Variants in NRTN observed in about 807,000 individuals in gnomAD.
The protein encoded by NRTN is neurturin.
In NRTN, 3 loss-of-function variants were observed where a neutral mutation model predicts 7.5. The observed-to-expected ratio is 0.40, with a 90% CI of 0.18 to 1.03. NRTN has a LOEUF of 1.03. NRTN is among the 50% of genes least tolerant of loss of function. The probability of loss-of-function intolerance (pLI) is 0.34; values close to 1 mark genes in which losing one functional copy is unlikely to be tolerated. For synonymous variants in NRTN, 157 were observed against 146.6 expected, an observed-to-expected ratio of 1.07 and a Z score of -0.51; for missense variants, 310 against 307.0, an observed-to-expected ratio of 1.01 and a Z score of -0.07.
chr19:5,822,919 G>A (rs1188746677), intron 1 of NRTN, among the ~76,000 whole-genome samples: 18 of 152,014 alleles, frequency 1.2e-4, no homozygotes. Flanking sequence ...AGCTACTTGG[G>A]AGGCTGAGGT....
Position 5,824,334 on chromosome 19 carries a change from T to G in NRTN, c.169T>G (p.Tyr57Asp). 6.3e-7 allele frequency: 1 copy of G among 1,598,972 alleles called. No individual in the cohort carries two copies. The highest frequency in any genetic ancestry group is 2.2e-5 in the East Asian group (1 of 44,504). ...LDARIARLAQ[Y>D]RALLQGAPDA... ...CGCCCGGATTGCCCGCCTGGCCCAG[T>G]GTAAGCTCCTCCTCTGTGTGGGGTC... Residue 57 changes from tyrosine to aspartate, a missense_variant and splice_region_variant, in exon 2 of 3, where the codon TAC (tyrosine) becomes GAC (aspartate). Tyr to Asp is a radical substitution (Grantham distance 160). Coordinates refer to ENST00000303212, the MANE Select transcript of NRTN (RefSeq NM_004558.5).
In NRTN at chr19:5,828,306, A is replaced by G; in HGVS notation, c.*133A>G. The G allele has an allele frequency of 1.9e-6, 2 of 1,036,616 alleles. No individual in the cohort carries two copies. The highest frequency in any genetic ancestry group is 6.2e-5 in the East Asian group (2 of 32,374). The allele number at this position is 1,036,616 out of a possible 1,614,324, so 64.2% of individuals were successfully genotyped here. ...GGACTCTCGCGATAACTGTACTGAG[A>G]TAAAGTGTGGCAACTCGAGCTGGCT... On this transcript the variant is annotated 3_prime_UTR_variant, in exon 3 of 3. Transcript: ENST00000303212.
At chr19:5,821,701 T>G (rs2057025383) in intron 1 of NRTN, among the ~76,000 whole-genome samples, 1 of 152,130 alleles carries the variant, frequency 6.6e-6, no homozygotes, top group Admixed American at 6.6e-5. Flanking sequence ...GGGCTGGCCC[T>G]GGGGGAGAAT....
chr19:5,824,007 G>C lies in NRTN; in HGVS notation c.-159G>C. ...GAGGCCAACCCCTTCCTTGTTCAAT[G>C]GTTCCTTGAGGGACCATTCCCATGT... On this transcript the variant is annotated 5_prime_UTR_variant, in exon 2 of 3. It removes an upstream start codon present in the reference 5' UTR. Coordinates refer to ENST00000303212, the MANE Select transcript of NRTN (RefSeq NM_004558.5). 1 of 976,180 alleles carries C rather than the reference G, an allele frequency of 1.0e-6. No individual in the cohort carries two copies. Among genetic ancestry groups the C allele is most frequent in the Non-Finnish European group, 1.5e-6 (1 of 648,090 alleles). 60.5% of individuals were successfully genotyped at this position (976,180 alleles called of 1,614,324 possible).
intron 2 of NRTN, among the ~76,000 whole-genome samples, chr19:5,827,227 G>A (rs1429818472): frequency 6.6e-6 from 1 of 152,182 alleles, no homozygotes; most frequent in East Asian, 1.9e-4. Flanking sequence ...AGAGACCTAT[G>A]ACAACCTCAC....
intron 1 of NRTN, among the ~76,000 whole-genome samples, chr19:5,808,717 C>T (rs117032075): frequency 0.025 from 3,769 of 151,648 alleles, 99 homozygotes; most frequent in East Asian, 0.071. Flanking sequence ...ACGTGCAGCT[C>T]CCTCCGCCTG....
chr19:5,809,111 AAGCCCTCCTTGACTCCCCAGTCTAGAAGC>A (rs959905743), intron 1 of NRTN, among the ~76,000 whole-genome samples: 2 of 151,176 alleles, frequency 1.3e-5, no homozygotes, highest in Non-Finnish European at 2.9e-5. Flanking sequence ...CTCCTCTGAG[AAGCCCTCCTTGACTCCCCAGTCTAGAAGC>A]AGCCTCCAGT....
chr19:5,810,109 C>CA (rs200014629), intron 1 of NRTN, among the ~76,000 whole-genome samples: 2,471 of 150,234 alleles, frequency 0.016, 73 homozygotes, highest in African/African-American at 0.057. Context: ...ACTAAAAATA[C>CA]AAAAAAAATT....
Position 5,824,172 on chromosome 19 carries a change from C to G in NRTN, c.7C>G (p.Arg3Gly), listed in dbSNP as rs112515055. The G allele has an allele frequency of 6.2e-6, 10 of 1,608,136 alleles. No homozygotes were observed. Among genetic ancestry groups the G allele is most frequent in the Non-Finnish European group, 6.8e-6 (8 of 1,179,890 alleles). Residue 3 changes from arginine to glycine, a missense_variant, in exon 2 of 3, where the codon CGC (arginine) becomes GGC (glycine). Transcript: ENST00000303212. ...CCGTGCCCGCAGGCTGAGGATGCAG[C>G]GCTGGAAGGCGGCGGCCTTGGCCTC... is the stretch of plus-strand genomic sequence containing the variant. The part of the protein sequence containing the change: MQ[R>G]WKAAALASVL...
intron 1 of NRTN, among the ~76,000 whole-genome samples, chr19:5,821,213 A>G (rs961318914): frequency 6.7e-4 from 102 of 151,120 alleles, no homozygotes; most frequent in African/African-American, 2.4e-3. Flanking sequence ...CATCCTCCCA[A>G]TAAATCCATC....
intron 1 of NRTN, among the ~76,000 whole-genome samples, chr19:5,811,710 GTT>G (rs57430586): frequency 1.6e-4 from 18 of 109,770 alleles, no homozygotes; most frequent in African/African-American, 2.4e-4. Flanking sequence ...TTTGTTTTTT[GTT>G]TTTTTTTTTT....
At chr19:5,827,628 G>A (rs2057051542) in intron 2 of NRTN, 121 bp from the exon 3 acceptor site, 3 of 347,146 alleles carry the variant, frequency 8.6e-6, no homozygotes, top group Admixed American at 5.8e-5. Context: ...GAGACGAGAA[G>A]CCGTCTAGGC....
In NRTN at chr19:5,828,277, C is replaced by T; in HGVS notation, c.*104C>T. ...CGTGCGTAGAGCACGCCGGCGCGGC[C>T]CCGGGACTCTCGCGATAACTGTACT... On this transcript the variant is annotated 3_prime_UTR_variant, in exon 3 of 3. Transcript: ENST00000303212. 1 of 1,286,334 alleles carries T rather than the reference C, an allele frequency of 7.8e-7. No individual in the cohort carries two copies. The highest frequency in any genetic ancestry group is 1.0e-6 in the Non-Finnish European group (1 of 959,530). 79.7% of individuals were successfully genotyped at this position (1,286,334 alleles called of 1,614,324 possible).
At chr19:5,816,909 G>A (rs139947113) in intron 1 of NRTN, among the ~76,000 whole-genome samples, 28 of 152,330 alleles carry the variant, frequency 1.8e-4, no homozygotes, top group African/African-American at 5.5e-4. Context: ...ATGTGAGCAC[G>A]ACGTATTCAA....
chr19:5,823,289 T>C (rs1342521362), intron 1 of NRTN, among the ~76,000 whole-genome samples: 1 of 151,870 alleles, frequency 6.6e-6, no homozygotes, highest in Non-Finnish European at 1.5e-5. Flanking sequence ...TGCTGGCAGG[T>C]GCCTGTAATC....
chr19:5,817,670 T>C (rs2057010236), intron 1 of NRTN, among the ~76,000 whole-genome samples: 2 of 152,012 alleles, frequency 1.3e-5, no homozygotes, highest in African/African-American at 4.8e-5. Flanking sequence ...AGTGTCATCA[T>C]GGTCAAATGT....
chr19:5,825,626 GC>G (rs1251794353), intron 2 of NRTN, among the ~76,000 whole-genome samples: 2 of 152,218 alleles, frequency 1.3e-5, no homozygotes, highest in Non-Finnish European at 2.9e-5. Context: ...GGTGCGGGGG[GC>G]AAAGCACGAA....
chr19:5,827,720 C>A lies in NRTN; in HGVS notation c.170-29C>A, dbSNP rs772622830. On this transcript the variant is annotated intron_variant, in intron 2 of 2. Transcript: ENST00000303212. ...CTCCCACCCCCTGCACCCACTGACC[C>A]CCCCTCCTTTCTCTTCCTCCCCTCG... 9 of 1,139,742 alleles carry A rather than the reference C, an allele frequency of 7.9e-6. No homozygotes were observed. The East Asian group carries it at 2.6e-4, about 33-fold the overall frequency. The allele number at this position is 1,139,742 out of a possible 1,614,324, so 70.6% of individuals were successfully genotyped here. A position where few individuals can be genotyped will look rare whatever the true frequency, so the allele number is the denominator to read the frequency against.
intron 1 of NRTN, among the ~76,000 whole-genome samples, chr19:5,817,056 G>C (rs2057007190): frequency 1.3e-5 from 2 of 152,154 alleles, no homozygotes; most frequent in Non-Finnish European, 2.9e-5. Context: ...GAAAATACTG[G>C]CTGGGTGCAG....
Sources: gnomAD v4.1 joint callset for allele counts (sites outside exome capture counted in the v4.1 genomes callset) on GRCh38, gnomAD v4.1.1 for gene constraint, MANE v1.5 for transcripts, NCBI Gene and HGNC (gene_info 2026-07-23, HGNC 2026-07-21) for gene names.